The following ALDH7A1 variants were observed in gnomAD, a reference collection of about 807,000 sequenced individuals.
ALDH7A1 encodes the protein alpha-aminoadipic semialdehyde dehydrogenase.
Under a neutral mutation model 79.9 loss-of-function variants are expected in ALDH7A1, and 63 were observed. The ratio of observed to expected loss-of-function variants is 0.79; its 90% CI spans 0.64 to 0.97. The LOEUF is 0.97. Among genes scored for constraint, ALDH7A1 ranks in the 50% least tolerant of loss-of-function variants. The pLI is 0.00. For missense variants in ALDH7A1, 627 were observed against 665.2 expected (o/e 0.94, Z 0.63); for synonymous variants, 240 against 231.2 (o/e 1.04, Z -0.34).
intron 7 of ALDH7A1, chr5:126,571,079 T>A (rs894389829): frequency 2.0e-6 from 1 of 507,496 alleles, no homozygotes; most frequent in Admixed American, 3.1e-5. Context: ...TCTGTCCTTC[T>A]GTCCTCAAAC....
At chr5:126,584,043 T>C (rs748241723) in intron 3 of ALDH7A1, 31 bp from the exon 4 acceptor site, 9 of 1,557,728 alleles carry the variant, frequency 5.8e-6, no homozygotes, top group African/African-American at 5.4e-5. Context: ...TTGTGTCTGA[T>C]TCAAAGCATA....
chr5:126,584,369 G>C, intron 3 of ALDH7A1: 1 of 298,816 alleles, frequency 3.3e-6, no homozygotes, highest in South Asian at 3.3e-5. Flanking sequence ...TTACCTAAAA[G>C]GATGGCAGGA....
Position 126,571,150 on chromosome 5 carries a change from A to ATTTTTTTTTTTTTT in ALDH7A1, c.696-305_696-292dup, listed in dbSNP as rs386404930. On this transcript the variant is annotated intron_variant, in intron 7 of 17. Transcript: ENST00000409134. ...GCCGTTTTCAAAAAACTATTAGCAG[A>ATTTTTTTTTTTTTT]TTTTTTTTTTTTTTTTTTTTTTTTT... 1.0e-3 allele frequency: 209 copies of ATTTTTTTTTTTTTT among 206,616 alleles called. 7 individuals are homozygous for ATTTTTTTTTTTTTT. Among genetic ancestry groups the ATTTTTTTTTTTTTT allele is most frequent in the African/African-American group, 5.6e-3 (205 of 36,732 alleles). The allele number at this position is 206,616 out of a possible 1,614,324, so 12.8% of individuals were successfully genotyped here. A position where few individuals can be genotyped will look rare whatever the true frequency, so the allele number is the denominator to read the frequency against.
At chr5:126,564,659 A>G in intron 9 of ALDH7A1, 1 of 804,344 alleles carries the variant, frequency 1.2e-6, no homozygotes, top group African/African-American at 1.8e-5. Flanking sequence ...AAAAGCCACC[A>G]AATGCTACAC....
At chr5:126,571,089 C>T in intron 7 of ALDH7A1, 1 of 437,768 alleles carries the variant, frequency 2.3e-6, no homozygotes, top group East Asian at 4.5e-5. Flanking sequence ...TGTCCTCAAA[C>T]ATTCAGACCT....
intron 17 of ALDH7A1, 133 bp from the exon 18 acceptor site, chr5:126,545,152 C>G: frequency 1.4e-6 from 1 of 693,848 alleles, no homozygotes; most frequent in Non-Finnish European, 2.5e-6. Flanking sequence ...TTAAGACAAA[C>G]CTTTAAGATA....
At chr5:126,581,396 G>A (rs1181347980) in intron 5 of ALDH7A1, 1 of 151,698 alleles carries the variant, frequency 6.6e-6, no homozygotes, top group East Asian at 1.9e-4. Context: ...AACACTTTGG[G>A]AGGTTGAGAC....
intron 16 of ALDH7A1, 29 bp from the exon 17 acceptor site, chr5:126,546,428 T>C (rs1409843820): frequency 6.2e-7 from 1 of 1,605,790 alleles, no homozygotes; most frequent in Non-Finnish European, 8.5e-7. Flanking sequence ...ATATCATATC[T>C]TCTGAGCAGT....
At chr5:126,555,787 C>T (rs1026399176) in intron 12 of ALDH7A1, 144 bp downstream of exon 12, 5 of 678,200 alleles carry the variant, frequency 7.4e-6, no homozygotes, top group East Asian at 3.1e-5. Context: ...GGAGCAGACA[C>T]GATACACCAA....
At chr5:126,564,661 A>C in intron 9 of ALDH7A1, 1 of 755,460 alleles carries the variant, frequency 1.3e-6, no homozygotes, top group Non-Finnish European at 1.8e-6. Context: ...AAGCCACCAA[A>C]TGCTACACCA....
Position 126,561,085 on chromosome 5 carries a change from A to G in ALDH7A1, c.911T>C (p.Ile304Thr). The change falls in exon 10 of 18, where the codon ATT (isoleucine) becomes ACT (threonine). Residue 304 changes from isoleucine (I) to threonine (T), a missense_variant and splice_region_variant. Transcript: ENST00000409134. Reference protein sequence around the residue: ...LLELGGNNAIIAFEDADLSLV... With the variant: ...LLELGGNNAITAFEDADLSLV... Reference sequence around the variant, plus strand: ...CAAAAACAAAGAGGCAGCCTTACCAATAATGGCATTGTTTCCTCCAAGTTC... The same window carrying G: ...CAAAAACAAAGAGGCAGCCTTACCAGTAATGGCATTGTTTCCTCCAAGTTC... 6.2e-7 allele frequency: 1 copy of G among 1,613,434 alleles called. No homozygotes were observed. The highest frequency in any genetic ancestry group is 8.5e-7 in the Non-Finnish European group (1 of 1,179,668).
At chr5:126,583,614 A>T (rs542410986) in intron 4 of ALDH7A1, among the ~76,000 whole-genome samples, 51 of 152,122 alleles carry the variant, frequency 3.4e-4, no homozygotes, top group African/African-American at 9.9e-4. Context: ...GGCAGGCAGG[A>T]TCACCTGAGG....
At chr5:126,574,122 G>A (rs1198942052) in intron 7 of ALDH7A1, among the ~76,000 whole-genome samples, 2 of 151,482 alleles carry the variant, frequency 1.3e-5, no homozygotes, top group African/African-American at 2.4e-5. Context: ...TAATCTTCTA[G>A]GCTGGGCACA....
intron 5 of ALDH7A1, chr5:126,581,915 T>G (rs1001133730): frequency 1.0e-4 from 34 of 328,188 alleles, no homozygotes; most frequent in Admixed American, 9.8e-5. Flanking sequence ...GAGGTGGAGG[T>G]TGCAGTGAGC....
At chr5:126,578,633 T>A (rs1751060986) in intron 5 of ALDH7A1, among the ~76,000 whole-genome samples, 1 of 117,468 alleles carries the variant, frequency 8.5e-6, no homozygotes, top group African/African-American at 4.0e-5. Context: ...AGTAAGACCC[T>A]GTATCAAAAA....
chr5:126,586,576 C>G (rs962935803), intron 3 of ALDH7A1: 2 of 152,146 alleles, frequency 1.3e-5, no homozygotes, highest in Non-Finnish European at 2.9e-5. Flanking sequence ...AGGCAAGAAA[C>G]AGGCAATTAC....
At chr5:126,577,476 G>A (rs1751016422) in intron 5 of ALDH7A1, among the ~76,000 whole-genome samples, 1 of 152,154 alleles carries the variant, frequency 6.6e-6, no homozygotes, top group African/African-American at 2.4e-5. Context: ...CAGTGCACCT[G>A]GGAGACAAGG....
Position 126,542,690 on chromosome 5 carries a change from A to G in ALDH7A1, c.*2275T>C, listed in dbSNP as rs1031901301. On this transcript the variant is annotated 3_prime_UTR_variant, in exon 18 of 18. Coordinates refer to ENST00000409134, the MANE Select transcript of ALDH7A1 (RefSeq NM_001182.5). ...AAGAAGTGTTCTGTGGTTGCAGAGC[A>G]AGAGAGAGAGGAGGCTTAACAGATT... The G allele has an allele frequency of 6.6e-6, 1 of 152,246 alleles. No individual in the cohort carries two copies. The highest frequency in any genetic ancestry group is 6.6e-5 in the Admixed American group (1 of 15,262). The allele number at this position is 152,246 out of a possible 1,614,324, so 9.4% of individuals were successfully genotyped here. A position where few individuals can be genotyped will look rare whatever the true frequency, so the allele number is the denominator to read the frequency against.
At chr5:126,555,707 T>G (rs1477374953) in intron 12 of ALDH7A1, among the ~76,000 whole-genome samples, 1 of 152,020 alleles carries the variant, frequency 6.6e-6, no homozygotes, top group Non-Finnish European at 1.5e-5. Context: ...ACACTAAATC[T>G]CATTCCATCT....
Sources: allele counts gnomAD v4.1 joint callset (sites outside exome capture counted in the v4.1 genomes callset), GRCh38; gene constraint gnomAD v4.1.1; transcripts MANE v1.5; gene names NCBI Gene and HGNC (gene_info 2026-07-23, HGNC 2026-07-21).